KIF5C: variants seen among roughly 807,000 people sequenced by gnomAD.
KIF5C encodes kinesin family member 5C.
In KIF5C, 18 loss-of-function variants were observed where a neutral mutation model predicts 125.2. The observed-to-expected ratio is 0.14, with a 90% confidence interval of 0.10 to 0.21. The LOEUF is 0.21. Among genes scored for constraint, KIF5C ranks in the 10% least tolerant of loss-of-function variants. The pLI, the probability that KIF5C is intolerant of heterozygous loss-of-function variation, is 1.00. For synonymous variants in KIF5C, 405 were observed against 434.0 expected (o/e 0.93, Z 0.83); for missense variants, 780 against 1,183.8 (o/e 0.66, Z 5.01).
chr2:148,880,580 CTG>C (rs1229292157), intron 1 of KIF5C, among the ~76,000 whole-genome samples: 5 of 152,230 alleles, frequency 3.3e-5, no homozygotes, highest in African/African-American at 4.8e-5. Flanking sequence ...AACTGCCAAA[CTG>C]TTTTCTAAAG....
rs1412829038 is a variant in KIF5C at position 148,991,018 on chromosome 2, T to C, written c.1725T>C (p.Asp575=). Residue 575 remains aspartate, a synonymous_variant, in exon 16 of 26, where the codon GAT becomes GAC. Coordinates refer to ENST00000435030, the MANE Select transcript of KIF5C (RefSeq NM_004522.3). The part of the protein sequence containing the change: ...IGTNDVKTLA[D]VNGVIEEEFT... ...TCCCCTTCTTTGCTCAGTTGGCAGA[T>C]GTGAATGGAGTCATTGAGGAGGAGT... The C allele has an allele frequency of 1.2e-6, 2 of 1,613,088 alleles. No individual in the cohort carries two copies. Among genetic ancestry groups the C allele is most frequent in the African/African-American group, 2.7e-5 (2 of 74,920 alleles).
rs1404422475 is a variant in KIF5C at position 148,997,669 on chromosome 2, A to G, written c.2100+329A>G. On this transcript the variant is annotated intron_variant, in intron 18 of 25. Coordinates refer to ENST00000435030, the MANE Select transcript of KIF5C (RefSeq NM_004522.3). ...TAACTTCTAAGGATTTCTTCCTCCAACCTTTACGCAGAACACACCAAATTT... is the reference window on the plus strand; with the variant it reads ...TAACTTCTAAGGATTTCTTCCTCCAGCCTTTACGCAGAACACACCAAATTT... The G allele has an allele frequency of 7.1e-5, 22 of 311,428 alleles. No individual in the cohort carries two copies. The East Asian group carries it at 1.2e-3, about 17-fold the overall frequency. The allele number at this position is 311,428 out of a possible 1,614,324, so 19.3% of individuals were successfully genotyped here.
intron 18 of KIF5C, 101 bp downstream of exon 18, chr2:148,997,441 T>C (rs753075167): frequency 1.6e-5 from 25 of 1,572,946 alleles, no homozygotes; most frequent in Non-Finnish European, 2.0e-5. Context: ...GATCCGTATA[T>C]GGCAAGGGAC....
At chr2:148,934,027 C>T (rs1460168502) in intron 3 of KIF5C, among the ~76,000 whole-genome samples, 1 of 151,308 alleles carries the variant, frequency 6.6e-6, no homozygotes, top group Admixed American at 6.6e-5. Context: ...CATATACATA[C>T]CACAGACATA....
chr2:148,955,947 A>T (rs1401005359), intron 10 of KIF5C, among the ~76,000 whole-genome samples: 1 of 152,258 alleles, frequency 6.6e-6, no homozygotes, highest in East Asian at 1.9e-4. Context: ...CCAAGAACAA[A>T]TATCTTTGTG....
In KIF5C at chr2:148,909,887, C is replaced by T. The variant is rs1052601423; in HGVS notation, c.127-12250C>T. ...CCTGCCTCTCCTACTTATCGCTGTG[C>T]GACTATTATGTGTTGTCTCTGAACT... On this transcript the variant is annotated intron_variant, in intron 1 of 25. Transcript: ENST00000435030. 4.6e-5 allele frequency among the ~76,000 whole-genome samples: 7 copies of T among 152,214 alleles called. No individual in the cohort carries two copies. In the East Asian group the frequency reaches 9.7e-4, roughly 21 times the overall value.
chr2:148,969,422 AGTGT>A lies in KIF5C; in HGVS notation c.1118-3877_1118-3874del, dbSNP rs151238332. On this transcript the variant is annotated intron_variant, in intron 11 of 25. Transcript: ENST00000435030. ...TTATTTAAAGAAGGGGAAGGTTTCC[AGTGT>A]GTGTGTGTGTGTGTGTGTGTGTGTG... is the stretch of plus-strand genomic sequence containing the variant. Among the ~76,000 whole-genome samples, 586 of 141,358 alleles carry A rather than the reference AGTGT, an allele frequency of 4.1e-3. 9 individuals are homozygous for A. Among genetic ancestry groups the A allele is most frequent in the African/African-American group, 0.011 (429 of 37,746 alleles). The allele number at this position is 141,358 out of a possible 152,430, so 92.7% of individuals were successfully genotyped here. A position where few individuals can be genotyped will look rare whatever the true frequency, so the allele number is the denominator to read the frequency against.
rs1558927695 is a variant in KIF5C, at chr2:148,976,285, T to TTTATTTA, written c.1294-2635_1294-2634insATTTATT. The stretch of plus-strand genomic sequence containing the variant: ...TATTTATTTATTTATTTATTTATTT[T>TTTATTTA]TTGAGATGGAGTCTCGCTCTGTCAC... On this transcript the variant is annotated intron_variant, in intron 12 of 25. Transcript: ENST00000435030. 4.6e-4 allele frequency among the ~76,000 whole-genome samples: 24 copies of TTTATTTA among 52,240 alleles called. No homozygotes were observed. The South Asian group carries it at 5.8e-3, about 13-fold the overall frequency. 34.3% of individuals were successfully genotyped at this position (52,240 alleles called of 152,430 possible). A position where few individuals can be genotyped will look rare whatever the true frequency, so the allele number is the denominator to read the frequency against.
At chr2:148,949,715 C>T (rs1461966954) in intron 8 of KIF5C, 124 bp from the exon 9 acceptor site, 4 of 1,351,848 alleles carry the variant, frequency 3.0e-6, no homozygotes, top group Non-Finnish European at 4.0e-6. Flanking sequence ...TGTGGGTCTT[C>T]TCTACTTTTA....
In KIF5C at chr2:148,887,681, C is replaced by CT. The variant is rs35338664; in HGVS notation, c.126+11951dup. 3.1e-3 allele frequency among the ~76,000 whole-genome samples: 441 copies of CT among 143,014 alleles called. 2 individuals are homozygous for CT. Among genetic ancestry groups the CT allele is most frequent in the African/African-American group, 8.9e-3 (346 of 38,686 alleles). 93.8% of individuals were successfully genotyped at this position (143,014 alleles called of 152,430 possible). On this transcript the variant is annotated intron_variant, in intron 1 of 25. Transcript: ENST00000435030. The stretch of plus-strand genomic sequence containing the variant: ...ATCTGCTTAGAAAATGTAAAATTTG[C>CT]TTTTTTTTTTTTTAAATTCAACTTC...
At chr2:148,961,891 G>T in intron 10 of KIF5C, 80 bp from the exon 11 acceptor site, 1 of 1,516,442 alleles carries the variant, frequency 6.6e-7, no homozygotes, top group South Asian at 1.4e-5. Flanking sequence ...CTTTTGACAT[G>T]AGGAATCTTG....
chr2:148,875,575 G>GGCCCCCCCC lies in KIF5C; in HGVS notation c.-43_-42insGCCCCCCCC. Reference sequence around the variant, plus strand: ...TCCTCCCTCGTCGTTCCCGGCCCCGGCCCCCCACCCATCCCCGTGCCCCCT... The same window carrying GGCCCCCCCC: ...TCCTCCCTCGTCGTTCCCGGCCCCGGGCCCCCCCCCCCCCCACCCATCCCCGTGCCCCCT... On this transcript the variant is annotated 5_prime_UTR_variant, in exon 1 of 26. Coordinates refer to ENST00000435030, the MANE Select transcript of KIF5C (RefSeq NM_004522.3). 8 of 699,604 alleles carry GGCCCCCCCC rather than the reference G, an allele frequency of 1.1e-5. No homozygotes were observed. Among genetic ancestry groups the GGCCCCCCCC allele is most frequent in the East Asian group, 6.0e-5 (2 of 33,466 alleles). The allele number at this position is 699,604 out of a possible 1,614,324, so 43.3% of individuals were successfully genotyped here.
At chr2:148,917,151 T>C (rs1681588141) in intron 1 of KIF5C, among the ~76,000 whole-genome samples, 1 of 152,210 alleles carries the variant, frequency 6.6e-6, no homozygotes, top group Admixed American at 6.5e-5. Context: ...TTTTATTTTT[T>C]TCCCCAATCT....
chr2:149,010,229 C>T lies in KIF5C; in HGVS notation c.2645C>T (p.Ala882Val), dbSNP rs1020942504. The change falls in exon 24 of 26, where the codon GCG becomes GTG. Residue 882 changes from alanine (A) to valine (V), a missense_variant. By Grantham distance (64) the Ala-to-Val change is moderately conservative. Coordinates refer to ENST00000435030, the MANE Select transcript of KIF5C (RefSeq NM_004522.3). ...GAGCGCGTCAAGGCTCTGGAGAGCG[C>T]GCTGAAGGAGGCCAAGGAGAACGCC... is the stretch of plus-strand genomic sequence containing the variant. ...TAERVKALES[A>V]LKEAKENAMR... 1.4e-5 allele frequency: 22 copies of T among 1,572,754 alleles called. No individual in the cohort carries two copies. Among genetic ancestry groups the T allele is most frequent in the Non-Finnish European group, 1.9e-5 (22 of 1,159,982 alleles).
chr2:148,958,521 T>C (rs149822075), intron 10 of KIF5C, among the ~76,000 whole-genome samples: 6 of 152,328 alleles, frequency 3.9e-5, no homozygotes, highest in Admixed American at 2.6e-4. Flanking sequence ...TTTTTTCTTA[T>C]TGATTTAAAG....
intron 14 of KIF5C, 54 bp downstream of exon 14, chr2:148,981,615 T>C: frequency 6.6e-7 from 1 of 1,511,574 alleles, no homozygotes; most frequent in Non-Finnish European, 8.9e-7. Flanking sequence ...GTTCCTGTAC[T>C]CATATTGATA....
At chr2:148,989,010 G>T (rs1681454273) in intron 15 of KIF5C, among the ~76,000 whole-genome samples, 1 of 152,120 alleles carries the variant, frequency 6.6e-6, no homozygotes, top group Non-Finnish European at 1.5e-5. Context: ...GTGGTGTTTG[G>T]TTACATGGAT....
Position 149,005,255 on chromosome 2 carries a change from G to A in KIF5C, c.2374-138G>A, listed in dbSNP as rs116394497. 2,798 of 1,369,538 alleles carry A rather than the reference G, an allele frequency of 2.0e-3. 48 individuals carry two copies. The African/African-American group carries it at 0.035, about 17-fold the overall frequency. 84.8% of individuals were successfully genotyped at this position (1,369,538 alleles called of 1,614,324 possible). A position where few individuals can be genotyped will look rare whatever the true frequency, so the allele number is the denominator to read the frequency against. On this transcript the variant is annotated intron_variant, in intron 21 of 25. Transcript: ENST00000435030. ...GTCCAGGGGTGGGCATGGTCAGGGT[G>A]GGGGTGTCACAGGGAAGGGGGTGCA...
chr2:148,994,498 G>T lies in KIF5C; in HGVS notation c.1983G>T (p.Gln661His). ...EQKRRQLEES[Q>H]DSLSEELAKL... ...AGAGGAGGCAGCTAGAAGAGTCCCA[G>T]GACTCGCTCAGCGAAGAGCTGGCAA... Residue 661 changes from glutamine (Q) to histidine (H), a missense_variant, in exon 17 of 26, where the codon CAG becomes CAT. By Grantham distance (24) the Gln-to-His change is conservative. Coordinates refer to ENST00000435030, the MANE Select transcript of KIF5C (RefSeq NM_004522.3). The T allele has an allele frequency of 6.4e-7, 1 of 1,572,358 alleles. No individual in the cohort carries two copies. Among genetic ancestry groups the T allele is most frequent in the Non-Finnish European group, 8.6e-7 (1 of 1,158,928 alleles).
Sources: allele counts gnomAD v4.1 joint callset (sites outside exome capture counted in the v4.1 genomes callset), GRCh38; gene constraint gnomAD v4.1.1; transcripts MANE v1.5; gene names NCBI Gene and HGNC (gene_info 2026-07-23, HGNC 2026-07-21).